The following PSG1 variants were observed in gnomAD, a reference collection of about 807,000 sequenced individuals.
PSG1 encodes pregnancy specific beta-1-glycoprotein 1.
In PSG1, 60 loss-of-function variants were observed where a neutral mutation model predicts 41.4. That is an observed-to-expected ratio of 1.45 (90% CI 1.18 to 1.80). The LOEUF (loss-of-function observed/expected upper bound fraction) is 1.80, where lower values mean the gene tolerates loss of function less well. Among genes scored for constraint, PSG1 ranks in the 40% most tolerant of loss-of-function variants. The pLI, the probability that PSG1 is intolerant of heterozygous loss-of-function variation, is 0.00. For missense variants in PSG1, 806 were observed against 516.9 expected (o/e 1.56, Z -5.42); for synonymous variants, 256 against 192.9 (o/e 1.33, Z -2.71).
chr19:42,873,455 G>T (rs895096831), intron 2 of PSG1, among the ~76,000 whole-genome samples: 1 of 151,664 alleles, frequency 6.6e-6, no homozygotes, highest in African/African-American at 2.4e-5. Flanking sequence ...TTTGTCAGGA[G>T]TTTAGACCTC....
At chr19:42,867,752 A>C (rs1461323271) in intron 5 of PSG1, 2 of 901,806 alleles carry the variant, frequency 2.2e-6, no homozygotes, top group East Asian at 4.8e-5. Flanking sequence ...TAAGCTGTAG[A>C]TAGATTAAAA....
intron 4 of PSG1, among the ~76,000 whole-genome samples, 191 bp downstream of exon 4, chr19:42,868,565 T>G (rs1265502939): frequency 1.3e-5 from 2 of 151,054 alleles, no homozygotes; most frequent in Non-Finnish European, 3.0e-5. Flanking sequence ...GATAAGAGCA[T>G]CCCCTCCCCT....
Position 42,877,920 on chromosome 19 carries a change from G to A in PSG1, c.423C>T (p.Thr141=), listed in dbSNP as rs1365370595. The A allele has an allele frequency of 1.9e-5, 31 of 1,612,016 alleles. 1 individual carries two copies. Among genetic ancestry groups the A allele is most frequent in the Non-Finnish European group, 2.5e-5 (29 of 1,178,980 alleles). Residue 141 remains threonine (T), a synonymous_variant, in exon 2 of 6, where the codon ACC becomes ACT. Transcript: ENST00000436291. ...TRGVTGRFTF[T]LHLETPKPSI... ...TCATGTGGAATCACTTACGGTGTAA[G>A]GTGAAGGTGAAACGTCCAGTTACTC... is the stretch of plus-strand genomic sequence containing the variant.
At chr19:42,879,213 T>C (rs1458256710) in intron 1 of PSG1, among the ~76,000 whole-genome samples, 18 of 149,570 alleles carry the variant, frequency 1.2e-4, no homozygotes, top group South Asian at 2.2e-4. Context: ...CATGCGGTGG[T>C]GCTATCTCAG....
intron 2 of PSG1, among the ~76,000 whole-genome samples, chr19:42,874,751 A>G (rs911275963): frequency 6.6e-6 from 1 of 151,614 alleles, no homozygotes; most frequent in African/African-American, 2.4e-5. Context: ...TCAGGAAGCT[A>G]GAACTCTCTA....
chr19:42,871,913 G>A lies in PSG1; in HGVS notation c.563C>T (p.Pro188Leu). 6.2e-7 allele frequency: 1 copy of A among 1,612,464 alleles called. No homozygotes were observed. Among genetic ancestry groups the A allele is most frequent in the Non-Finnish European group, 8.5e-7 (1 of 1,179,210 alleles). ...YLWWMNGQSL[P>L]MTHSLKLSET... ...GGACAGCTTCAAGCTGTGAGTCATA[G>A]GGAGGCTCTGACCATTCATCCACCA... The change falls in exon 3 of 6, where the codon CCT (proline) becomes CTT (leucine). Residue 188 changes from proline to leucine, a missense_variant. Coordinates refer to ENST00000436291, the MANE Select transcript of PSG1 (RefSeq NM_001184825.2).
In PSG1 at chr19:42,867,067, G is replaced by A. The variant is rs751887546; in HGVS notation, c.*67C>T. 9 of 772,270 alleles carry A rather than the reference G, an allele frequency of 1.2e-5. 1 individual carries two copies. Among genetic ancestry groups the A allele is most frequent in the Non-Finnish European group, 2.2e-5 (9 of 417,540 alleles). The allele number at this position is 772,270 out of a possible 1,614,324, so 47.8% of individuals were successfully genotyped here. A position where few individuals can be genotyped will look rare whatever the true frequency, so the allele number is the denominator to read the frequency against. ...TCCACCTCCAGCTTATAGGGCTTCT[G>A]GAACAGAGTGGGTCTTGCTCTTAGT... On this transcript the variant is annotated 3_prime_UTR_variant, in exon 6 of 6. Transcript: ENST00000436291.
chr19:42,868,948 T>G lies in PSG1; in HGVS notation c.796A>C (p.Ser266Arg). Residue 266 changes from serine (S) to arginine (R), a missense_variant, in exon 4 of 6, where the codon AGT becomes CGT. Coordinates refer to ENST00000436291, the MANE Select transcript of PSG1 (RefSeq NM_001184825.2). ...CACCAAATGTAGGTGTAGTTCTCAC[T>G]CTTAGGTTCACAGGTGAAGTTTAAG... ...DVLNFTCEPK[S>R]ENYTYIWWLN... The G allele has an allele frequency of 1.9e-6, 3 of 1,610,636 alleles. No individual in the cohort carries two copies. The highest frequency in any genetic ancestry group is 2.5e-6 in the Non-Finnish European group (3 of 1,179,072).
intron 2 of PSG1, among the ~76,000 whole-genome samples, chr19:42,873,492 A>G (rs544789257): frequency 2.0e-5 from 3 of 151,874 alleles, no homozygotes; most frequent in East Asian, 1.9e-4. Context: ...CTAGTAACAA[A>G]AAAAATTTGG....
intron 5 of PSG1, 55 bp from the exon 6 acceptor site, chr19:42,867,205 C>A (rs1971168753): frequency 2.6e-6 from 2 of 764,664 alleles, no homozygotes; most frequent in Admixed American, 1.7e-5. Context: ...AGTCTCATAA[C>A]AGGTATACTA....
chr19:42,878,454 G>A, intron 1 of PSG1, 176 bp from the exon 2 acceptor site: 1 of 1,134,600 alleles, frequency 8.8e-7, no homozygotes, highest in Non-Finnish European at 1.2e-6. Flanking sequence ...GATTGTGTGT[G>A]TGTATGTGTG....
At chr19:42,874,834 C>A (rs1458935607) in intron 2 of PSG1, among the ~76,000 whole-genome samples, 4 of 150,712 alleles carry the variant, frequency 2.7e-5, no homozygotes, top group Non-Finnish European at 5.9e-5. Flanking sequence ...GGTCAAGAGT[C>A]CACTCAGAGA....
intron 1 of PSG1, among the ~76,000 whole-genome samples, chr19:42,879,076 C>G (rs1156397237): frequency 6.6e-6 from 1 of 151,612 alleles, no homozygotes; most frequent in Non-Finnish European, 1.5e-5. Context: ...TACGACTTTC[C>G]TGTTTTGACC....
chr19:42,874,607 C>G lies in PSG1; in HGVS notation c.431-2562G>C, dbSNP rs562615697. ...GTGCCCGCCTCGGCCTCCCAAAGTG[C>G]TGGGATTATAGGCGTGAGCCACTGT... On this transcript the variant is annotated intron_variant, in intron 2 of 5. Coordinates refer to ENST00000436291, the MANE Select transcript of PSG1 (RefSeq NM_001184825.2). Among the ~76,000 whole-genome samples the G allele has an allele frequency of 2.0e-5, 3 of 151,906 alleles. 1 individual carries two copies. Among genetic ancestry groups the G allele is most frequent in the African/African-American group, 7.2e-5 (3 of 41,436 alleles).
At chr19:42,867,406 T>C in intron 5 of PSG1, 1 of 574,510 alleles carries the variant, frequency 1.7e-6, no homozygotes, top group Non-Finnish European at 3.1e-6. Context: ...TTTCTCTAAG[T>C]TTTTATAAGG....
chr19:42,873,207 A>C (rs1568421963), intron 2 of PSG1, among the ~76,000 whole-genome samples: 1 of 151,796 alleles, frequency 6.6e-6, no homozygotes, highest in Non-Finnish European at 1.5e-5. Flanking sequence ...CTCCTTATGC[A>C]GAAAGCTTGA....
intron 5 of PSG1, 50 bp downstream of exon 5, chr19:42,868,051 G>A (rs1971206587): frequency 1.2e-6 from 2 of 1,612,024 alleles, no homozygotes; most frequent in Non-Finnish European, 1.7e-6. Flanking sequence ...CTGAATGCCA[G>A]ATAGACTCCA....
In PSG1 at chr19:42,878,224, G is replaced by A. The variant is rs1267094122; in HGVS notation, c.119C>T (p.Ala40Val). The A allele has an allele frequency of 6.2e-7, 1 of 1,611,062 alleles. No homozygotes were observed. Among genetic ancestry groups the A allele is most frequent in the Non-Finnish European group, 8.5e-7 (1 of 1,178,758 alleles). The change falls in exon 2 of 6, where the codon GCC becomes GTC. Residue 40 changes from alanine to valine, a missense_variant. Ala to Val is a moderately conservative substitution (Grantham distance 64). Coordinates refer to ENST00000436291, the MANE Select transcript of PSG1 (RefSeq NM_001184825.2). Reference protein sequence around the residue: ...LPTTAQVTIEAEPTKVSEGKD... With the variant: ...LPTTAQVTIEVEPTKVSEGKD... ...CCCCTCGGAAACTTTGGTTGGCTCG[G>A]CTTCAATCGTGACTTGGGCAGTGGT...
intron 2 of PSG1, among the ~76,000 whole-genome samples, chr19:42,872,827 C>A (rs899447904): frequency 2.0e-5 from 3 of 151,850 alleles, no homozygotes; most frequent in Non-Finnish European, 1.5e-5. Context: ...GTGGATCTTT[C>A]TAGAAATACA....
Sources: gnomAD v4.1 joint callset for allele counts (sites outside exome capture counted in the v4.1 genomes callset) on GRCh38, gnomAD v4.1.1 for gene constraint, MANE v1.5 for transcripts, NCBI Gene and HGNC (gene_info 2026-07-23, HGNC 2026-07-21) for gene names.